The following MAPRE2 variants were observed in gnomAD, a reference collection of about 807,000 sequenced individuals.
MAPRE2 encodes the protein microtubule associated protein RP/EB family member 2.
Under a neutral mutation model 43.2 loss-of-function variants are expected in MAPRE2, and 13 were observed. The ratio of observed to expected loss-of-function variants is 0.30; its 90% CI spans 0.20 to 0.48. The LOEUF (loss-of-function observed/expected upper bound fraction) is 0.48, where lower values mean the gene tolerates loss of function less well. Ranked by LOEUF, MAPRE2 falls within the 20% of genes least tolerant of loss-of-function variation. The pLI is 0.99. For missense variants in MAPRE2, 161 were observed against 400.2 expected (o/e 0.40, Z 5.10); for synonymous variants, 135 against 148.8 (o/e 0.91, Z 0.68).
chr18:35,051,519 T>C (rs1905934833), intron 1 of MAPRE2, among the ~76,000 whole-genome samples: 1 of 152,222 alleles, frequency 6.6e-6, no homozygotes. Flanking sequence ...ATGATAAGTG[T>C]GTCACTGCTA....
At chr18:35,122,819 C>T (rs1382274093) in intron 4 of MAPRE2, among the ~76,000 whole-genome samples, 2 of 152,210 alleles carry the variant, frequency 1.3e-5, no homozygotes, top group East Asian at 1.9e-4. Context: ...TTGCCTGATT[C>T]GTGAGCACAG....
At chr18:35,065,890 T>C (rs552228) in intron 1 of MAPRE2, among the ~76,000 whole-genome samples, 46,417 of 152,122 alleles carry the variant, frequency 0.31, 8,960 homozygotes, top group East Asian at 0.57. Context: ...AGTGATCTGG[T>C]TGAGATTCCA....
intron 1 of MAPRE2, among the ~76,000 whole-genome samples, chr18:35,052,061 C>A (rs1046216742): frequency 6.6e-6 from 1 of 152,154 alleles, no homozygotes; most frequent in Non-Finnish European, 1.5e-5. Context: ...ATACTACAGT[C>A]TTTTTTCCCC....
intron 2 of MAPRE2, among the ~76,000 whole-genome samples, chr18:35,088,804 A>T (rs1480693082): frequency 1.3e-5 from 2 of 152,222 alleles, no homozygotes; most frequent in Non-Finnish European, 2.9e-5. Context: ...TAAGAGGTTG[A>T]GTAGGATGCA....
intron 2 of MAPRE2, among the ~76,000 whole-genome samples, chr18:35,030,054 A>C (rs1466114981): frequency 6.6e-6 from 1 of 152,238 alleles, no homozygotes; most frequent in Non-Finnish European, 1.5e-5. Context: ...TCACTATATA[A>C]GGACAAGAAA....
chr18:34,978,427 T>C (rs2097014357), intron 1 of MAPRE2: 4 of 1,186,488 alleles, frequency 3.4e-6, no homozygotes, highest in Non-Finnish European at 4.9e-6. Flanking sequence ...GGGTGAAGTG[T>C]GCAGACCGGT....
intron 3 of MAPRE2, among the ~76,000 whole-genome samples, chr18:35,101,630 A>G (rs960915129): frequency 6.6e-6 from 1 of 152,150 alleles, no homozygotes; most frequent in East Asian, 1.9e-4. Flanking sequence ...ATAAGTGAAA[A>G]TGTGTGATGT....
At chr18:35,015,007 A>AC (rs1261324710) in intron 2 of MAPRE2, among the ~76,000 whole-genome samples, 18 of 152,152 alleles carry the variant, frequency 1.2e-4, no homozygotes, top group Admixed American at 9.8e-4. Flanking sequence ...AATTTTCTGT[A>AC]CAAGTAGGCT....
intron 2 of MAPRE2, among the ~76,000 whole-genome samples, chr18:35,080,813 C>G (rs2680893): frequency 0.021 from 1,738 of 83,200 alleles, 17 homozygotes; most frequent in South Asian, 0.034. Flanking sequence ...TTTCAGATTG[C>G]GTTTTTTTTT....
At chr18:35,102,237 T>C (rs1389388014) in intron 4 of MAPRE2, 78 bp downstream of exon 4, 6 of 1,024,624 alleles carry the variant, frequency 5.9e-6, no homozygotes, top group Non-Finnish European at 8.4e-6. Context: ...TACTGTGTGT[T>C]TCTGACTGAT....
At chr18:35,022,826 G>C (rs1243690466) in intron 2 of MAPRE2, among the ~76,000 whole-genome samples, 1 of 152,180 alleles carries the variant, frequency 6.6e-6, no homozygotes, top group Non-Finnish European at 1.5e-5. Flanking sequence ...AAACACAGTA[G>C]AGAGTCAACA....
At chr18:35,008,880 G>A (rs1383316417) in intron 2 of MAPRE2, among the ~76,000 whole-genome samples, 2 of 152,058 alleles carry the variant, frequency 1.3e-5, no homozygotes, top group Non-Finnish European at 2.9e-5. Flanking sequence ...TTTTCAGAAA[G>A]CATTTAATTT....
At chr18:34,986,833 G>T (rs1324191720) in intron 1 of MAPRE2, among the ~76,000 whole-genome samples, 1 of 152,076 alleles carries the variant, frequency 6.6e-6, no homozygotes, top group Non-Finnish European at 1.5e-5. Flanking sequence ...ATTTGTTTTG[G>T]TGTATCTGAA....
chr18:35,108,659 C>G (rs1196220458), intron 4 of MAPRE2, among the ~76,000 whole-genome samples: 1 of 151,906 alleles, frequency 6.6e-6, no homozygotes, highest in Non-Finnish European at 1.5e-5. Flanking sequence ...TTAATAATCA[C>G]TATTCTGACT....
intron 4 of MAPRE2, among the ~76,000 whole-genome samples, chr18:35,124,171 G>A (rs1396884519): frequency 6.6e-6 from 1 of 152,156 alleles, no homozygotes; most frequent in Non-Finnish European, 1.5e-5. Context: ...GGGCTAGGGA[G>A]GCCTCAGAAA....
intron 1 of MAPRE2, among the ~76,000 whole-genome samples, chr18:35,067,202 A>T (rs933205132): frequency 1.1e-4 from 16 of 152,194 alleles, no homozygotes; most frequent in Non-Finnish European, 1.8e-4. Flanking sequence ...AATTTTTCTA[A>T]AGCCCAGATC....
intron 2 of MAPRE2, chr18:35,005,677 T>C: frequency 2.0e-6 from 1 of 497,502 alleles, no homozygotes. Context: ...AGCCGATATT[T>C]GAGTAAATAT....
chr18:35,005,454 G>A (rs373071750), intron 1 of MAPRE2: 1 of 1,284,030 alleles, frequency 7.8e-7, no homozygotes, highest in Non-Finnish European at 1.1e-6. Context: ...CATATTAAAT[G>A]CTTGCACTCT....
At position 35,025,927 on chromosome 18, in the gene MAPRE2, T is replaced by C. The variant is rs74626195; in HGVS notation, c.-8+20374T>C. 6.9e-3 allele frequency among the ~76,000 whole-genome samples: 1,051 copies of C among 152,298 alleles called. 6 individuals carry two copies. The highest frequency in any genetic ancestry group is 0.013 in the Non-Finnish European group (875 of 68,028). On this transcript the variant is annotated intron_variant, in intron 2 of 7. Transcript: ENST00000413393. ...CGAAACCAAATTCAATCTTACTCTT[T>C]CTATACACGGTGGGGCATAAGTTTC...
Sources: allele counts gnomAD v4.1 joint callset (sites outside exome capture counted in the v4.1 genomes callset), GRCh38; gene constraint gnomAD v4.1.1; transcripts MANE v1.5; gene names NCBI Gene and HGNC (gene_info 2026-07-23, HGNC 2026-07-21).